Variants in ATG16L1 observed in about 807,000 individuals in gnomAD.
ATG16L1 encodes autophagy related 16 like 1.
ATG16L1 carries 37 observed loss-of-function variants against 88.5 expected under a neutral mutation model. That is an observed-to-expected ratio of 0.42 (90% confidence interval 0.32 to 0.55). ATG16L1 has a LOEUF of 0.55. ATG16L1 is among the 20% of genes least tolerant of loss of function. The pLI, the probability that ATG16L1 is intolerant of heterozygous loss-of-function variation, is 0.13. For missense variants in ATG16L1, 554 were observed against 752.8 expected, an observed-to-expected ratio of 0.74 and a Z score of 3.09; for synonymous variants, 301 against 281.0, an observed-to-expected ratio of 1.07 and a Z score of -0.71.
chr2:233,270,146 TGTTTGG>T (rs376257549), intron 6 of ATG16L1, 79 bp downstream of exon 6: 3 of 1,405,408 alleles, frequency 2.1e-6, no homozygotes, highest in Non-Finnish European at 2.9e-6. Context: ...TTTTTTTTTT[TGTTTGG>T]TTTTTTTTGA....
At chr2:233,291,963 A>G (rs1326220475) in intron 14 of ATG16L1, among the ~76,000 whole-genome samples, 165 bp from the exon 15 acceptor site, 1 of 152,210 alleles carries the variant, frequency 6.6e-6, no homozygotes, top group Non-Finnish European at 1.5e-5. Context: ...GTTGATGGGA[A>G]AGTAAGAAAA....
At chr2:233,290,076 T>C in intron 13 of ATG16L1, 102 bp downstream of exon 13, 7 of 1,568,860 alleles carry the variant, frequency 4.5e-6, no homozygotes, top group Non-Finnish European at 6.1e-6. Context: ...TAGTTTGAAT[T>C]TCAGATCTGG....
rs1699593308 is a variant in ATG16L1, at chr2:233,293,334, A to C, written c.1707A>C (p.Glu569Asp). ...YIWSVLTGKV[E>D]KVLSKQHSSS... ...GGAGTGTGCTCACAGGGAAAGTGGAAAAGGTTCTTTCAAAGCAGCACAGGT... is the reference window on the plus strand; with the variant it reads ...GGAGTGTGCTCACAGGGAAAGTGGACAAGGTTCTTTCAAAGCAGCACAGGT... The change falls in exon 17 of 18, where the codon GAA (glutamate) becomes GAC (aspartate). Residue 569 changes from glutamate to aspartate, a missense_variant. Physicochemically the swap from Glu to Asp is conservative, Grantham distance 45 (BLOSUM62 2). Coordinates refer to ENST00000392017, the MANE Select transcript of ATG16L1 (RefSeq NM_030803.7). The C allele has an allele frequency of 6.2e-7, 1 of 1,614,102 alleles. No individual in the cohort carries two copies. Among genetic ancestry groups the C allele is most frequent in the Non-Finnish European group, 8.5e-7 (1 of 1,180,014 alleles).
chr2:233,254,538 G>C (rs1443974280), intron 1 of ATG16L1, among the ~76,000 whole-genome samples: 3 of 152,160 alleles, frequency 2.0e-5, no homozygotes, highest in Non-Finnish European at 4.4e-5. Context: ...GGAGGGAAAG[G>C]CTTCCCTCCA....
rs1574863467 is a variant in ATG16L1 at position 233,269,921 on chromosome 2, T to C, written c.642-81T>C. On this transcript the variant is annotated intron_variant, in intron 5 of 17. Coordinates refer to ENST00000392017, the MANE Select transcript of ATG16L1 (RefSeq NM_030803.7). ...CATGCACTGAATGTGTTATTAGAAC[T>C]GGTGGCTTCTAGAGAGCCCAAACCC... 1.5e-5 allele frequency: 21 copies of C among 1,395,460 alleles called. No homozygotes were observed. The East Asian group carries it at 5.1e-4, about 34-fold the overall frequency. 86.4% of individuals were successfully genotyped at this position (1,395,460 alleles called of 1,614,324 possible). A position where few individuals can be genotyped will look rare whatever the true frequency, so the allele number is the denominator to read the frequency against.
At chr2:233,279,912 C>T (rs1698613359) in intron 10 of ATG16L1, among the ~76,000 whole-genome samples, 1 of 152,162 alleles carries the variant, frequency 6.6e-6, no homozygotes, top group African/African-American at 2.4e-5. Flanking sequence ...GTATTTTAAG[C>T]ATAAGCCAAA....
rs749967192 is a variant in ATG16L1, at chr2:233,294,375, C to G, written c.*25C>G. The G allele has an allele frequency of 6.3e-7, 1 of 1,589,520 alleles. No individual in the cohort carries two copies. Among genetic ancestry groups the G allele is most frequent in the Non-Finnish European group, 8.6e-7 (1 of 1,159,422 alleles). Reference sequence around the variant, plus strand: ...ACGGGGCTCTCAGGGCTGGGAGGACCCCAGTGCCCTCCTCAGAAGAAGCAC... The same window carrying G: ...ACGGGGCTCTCAGGGCTGGGAGGACGCCAGTGCCCTCCTCAGAAGAAGCAC... On this transcript the variant is annotated 3_prime_UTR_variant, in exon 18 of 18. Transcript: ENST00000392017.
chr2:233,283,506 T>C (rs1698857143), intron 12 of ATG16L1, among the ~76,000 whole-genome samples: 1 of 151,766 alleles, frequency 6.6e-6, no homozygotes, highest in African/African-American at 2.4e-5. Flanking sequence ...GCCGTTTGTG[T>C]GTGTCAACCC....
chr2:233,276,666 G>A (rs570677069), intron 9 of ATG16L1, among the ~76,000 whole-genome samples: 2 of 152,260 alleles, frequency 1.3e-5, no homozygotes, highest in African/African-American at 4.8e-5. Flanking sequence ...TTTAAGAGAC[G>A]AGGTTTCGCC....
intron 12 of ATG16L1, among the ~76,000 whole-genome samples, chr2:233,286,819 A>G (rs1041727358): frequency 6.6e-6 from 1 of 151,058 alleles, no homozygotes; most frequent in Non-Finnish European, 1.5e-5. Context: ...TAGAGACGAG[A>G]TTTCACCGTG....
intron 2 of ATG16L1, among the ~76,000 whole-genome samples, chr2:233,257,231 G>A (rs561642227): frequency 1.3e-5 from 2 of 152,032 alleles, no homozygotes; most frequent in African/African-American, 2.4e-5. Flanking sequence ...GGGTTTCACC[G>A]TGTTAGCCAG....
intron 12 of ATG16L1, among the ~76,000 whole-genome samples, chr2:233,287,600 G>A (rs752662214): frequency 9.2e-5 from 14 of 152,136 alleles, no homozygotes; most frequent in Non-Finnish European, 1.9e-4. Flanking sequence ...ATGTAAGGCC[G>A]GGCACAGTGG....
chr2:233,257,230 C>A (rs970510712), intron 2 of ATG16L1, among the ~76,000 whole-genome samples: 2 of 152,012 alleles, frequency 1.3e-5, no homozygotes, highest in African/African-American at 4.8e-5. Context: ...GGGGTTTCAC[C>A]GTGTTAGCCA....
At chr2:233,261,256 G>A (rs945563557) in intron 2 of ATG16L1, among the ~76,000 whole-genome samples, 2 of 152,144 alleles carry the variant, frequency 1.3e-5, no homozygotes, top group Non-Finnish European at 2.9e-5. Context: ...CTCCCGGCCT[G>A]TTGTTAGTTT....
intron 8 of ATG16L1, chr2:233,274,125 C>T (rs1698183245): frequency 1.5e-6 from 2 of 1,360,090 alleles, no homozygotes; most frequent in Non-Finnish European, 2.0e-6. Context: ...TGCCCTCAGT[C>T]ATCAGATGTT....
chr2:233,264,207 C>A, intron 4 of ATG16L1, 142 bp downstream of exon 4: 1 of 709,796 alleles, frequency 1.4e-6, no homozygotes, highest in Non-Finnish European at 2.4e-6. Context: ...CATACACACT[C>A]TGGGATCCTT....
chr2:233,277,231 T>C (rs766255437), intron 9 of ATG16L1: 10 of 183,300 alleles, frequency 5.5e-5, no homozygotes, highest in Non-Finnish European at 7.0e-5. Flanking sequence ...TGGACCAAAA[T>C]TAATTCTAGG....
intron 4 of ATG16L1, 47 bp from the exon 5 acceptor site, chr2:233,264,845 C>A: frequency 6.2e-7 from 1 of 1,607,256 alleles, no homozygotes; most frequent in Non-Finnish European, 8.5e-7. Flanking sequence ...GGCTCTGGCA[C>A]AGGGCTCTGG....
At chr2:233,274,138 C>A in intron 8 of ATG16L1, 2 of 1,292,414 alleles carry the variant, frequency 1.5e-6, no homozygotes, top group Non-Finnish European at 2.2e-6. Context: ...CAGATGTTCA[C>A]GTGCTAACGA....
Sources: allele counts gnomAD v4.1 joint callset (sites outside exome capture counted in the v4.1 genomes callset), GRCh38; gene constraint gnomAD v4.1.1; transcripts MANE v1.5; gene names NCBI Gene and HGNC (gene_info 2026-07-23, HGNC 2026-07-21).